TMCO5A: variants seen among roughly 807,000 people sequenced by gnomAD.
TMCO5A encodes the protein transmembrane and coiled-coil domain-containing protein 5A.
In TMCO5A, 34 loss-of-function variants were observed where a neutral mutation model predicts 42.3. The observed-to-expected ratio is 0.80, with a 90% CI of 0.61 to 1.07. The LOEUF is 1.07. TMCO5A is among the 50% of genes least tolerant of loss of function. The probability of loss-of-function intolerance (pLI) is 0.00; values close to 1 mark genes in which losing one functional copy is unlikely to be tolerated. For synonymous variants in TMCO5A, 131 were observed against 115.6 expected, an observed-to-expected ratio of 1.13 and a Z score of -0.86; for missense variants, 357 against 327.9, an observed-to-expected ratio of 1.09 and a Z score of -0.69.
At chr15:38,011,053 A>T in the TMCO5A span, among the ~76,000 whole-genome samples, 1 of 152,146 alleles carries the variant, frequency 6.6e-6, no homozygotes, top group African/African-American at 2.4e-5. Flanking sequence ...AGCATCTTTT[A>T]TGTATCTATT....
chr15:37,936,600 T>C, intron 3 of TMCO5A, 137 bp downstream of exon 3: 3 of 1,199,772 alleles, frequency 2.5e-6, no homozygotes, highest in African/African-American at 3.1e-5. Flanking sequence ...TTCTTTGACA[T>C]TTCTCTTGAA....
intron 4 of TMCO5A, 27 bp downstream of exon 4, chr15:37,936,997 T>G (rs1431694241): frequency 6.2e-7 from 1 of 1,610,458 alleles, no homozygotes; most frequent in Non-Finnish European, 8.5e-7. Flanking sequence ...GAAGAGCCAT[T>G]TAATAGGTTG....
At chr15:37,937,483 G>C (rs1031518939) in intron 5 of TMCO5A, 87 bp downstream of exon 5, 119 of 1,425,354 alleles carry the variant, frequency 8.3e-5, no homozygotes, top group Admixed American at 1.7e-4. Context: ...GATCATAGAG[G>C]AACCCATAAG....
chr15:38,011,195 C>T, the TMCO5A span, among the ~76,000 whole-genome samples: 6 of 152,164 alleles, frequency 3.9e-5, no homozygotes, highest in Non-Finnish European at 7.3e-5. Context: ...ATCAAGATAT[C>T]GGCAGAGGCT....
At chr15:38,001,044 G>A in the TMCO5A span, among the ~76,000 whole-genome samples, 1 of 152,060 alleles carries the variant, frequency 6.6e-6, no homozygotes, top group Non-Finnish European at 1.5e-5. Flanking sequence ...TAAGTCAGAT[G>A]TTTCTTTGTT....
At chr15:37,985,037 T>C in the TMCO5A span, among the ~76,000 whole-genome samples, 4 of 151,576 alleles carry the variant, frequency 2.6e-5, no homozygotes, top group South Asian at 4.2e-4. Flanking sequence ...AAGAAAGTAT[T>C]TGTAGAAATG....
intron 11 of TMCO5A, among the ~76,000 whole-genome samples, chr15:37,959,734 T>TACG (rs1566923201): frequency 1.3e-5 from 2 of 152,056 alleles, no homozygotes; most frequent in Non-Finnish European, 2.9e-5. Context: ...AGTATCATAC[T>TACG]GAATAAGGAA....
the TMCO5A span, among the ~76,000 whole-genome samples, chr15:37,980,434 C>G: frequency 6.6e-6 from 1 of 152,108 alleles, no homozygotes; most frequent in Non-Finnish European, 1.5e-5. Context: ...GAGCCTCTCC[C>G]GGCTCCCTGC....
rs759106650 is a variant in TMCO5A at position 37,936,412 on chromosome 15, C to A, written c.89C>A (p.Ala30Glu). The A allele has an allele frequency of 6.2e-7, 1 of 1,612,810 alleles. No homozygotes were observed. The highest frequency in any genetic ancestry group is 1.3e-5 in the African/African-American group (1 of 74,766). Reference protein sequence around the residue: ...LERDTQRIDEANQKLLLKIQE... With the variant: ...LERDTQRIDEENQKLLLKIQE... ...AGGGATACGCAGAGAATAGATGAAGCAAATCAGAAACTTCTTCTCAAAATC... is the reference window on the plus strand; with the variant it reads ...AGGGATACGCAGAGAATAGATGAAGAAAATCAGAAACTTCTTCTCAAAATC... Residue 30 changes from alanine to glutamate, a missense_variant, in exon 3 of 12, where the codon GCA becomes GAA. Coordinates refer to ENST00000319669, the MANE Select transcript of TMCO5A (RefSeq NM_152453.4).
chr15:37,945,274 C>A (rs1889906112), intron 10 of TMCO5A, among the ~76,000 whole-genome samples: 1 of 152,108 alleles, frequency 6.6e-6, no homozygotes, highest in Non-Finnish European at 1.5e-5. Context: ...TCCAGTCTAT[C>A]ATTGATGGGC....
rs1889532880 is a variant in TMCO5A at position 37,936,895 on chromosome 15, G to A, written c.189G>A (p.Glu63=). 1 of 1,612,592 alleles carries A rather than the reference G, an allele frequency of 6.2e-7. No individual in the cohort carries two copies. The highest frequency in any genetic ancestry group is 8.5e-7 in the Non-Finnish European group (1 of 1,179,174). ...IQTRGLVEDE[E]WEKENRTTME... is the part of the protein sequence containing the mutation. The stretch of plus-strand genomic sequence containing the variant: ...CGCGGGGCCTGGTGGAAGATGAAGA[G>A]TGGGAGAAGGAGAACCGCACCACGA... The change falls in exon 4 of 12, where the codon GAG becomes GAA. Residue 63 remains glutamate (E), a synonymous_variant. Coordinates refer to ENST00000319669, the MANE Select transcript of TMCO5A (RefSeq NM_152453.4).
chr15:37,971,464 C>T (rs1890672539), downstream of TMCO5A, among the ~76,000 whole-genome samples: 1 of 152,204 alleles, frequency 6.6e-6, no homozygotes, highest in Non-Finnish European at 1.5e-5. Context: ...CTCTGACATG[C>T]TTAGAGACAT....
the TMCO5A span, among the ~76,000 whole-genome samples, chr15:37,975,508 T>C: frequency 2.0e-5 from 3 of 151,108 alleles, 1 homozygote; most frequent in African/African-American, 7.4e-5. Context: ...TGTGTCTCTT[T>C]TGATTACCAT....
the TMCO5A span, among the ~76,000 whole-genome samples, chr15:38,038,870 G>C: frequency 1.5e-3 from 236 of 152,272 alleles, no homozygotes; most frequent in African/African-American, 5.5e-3. Context: ...TAAGCAGCAC[G>C]ACTTTTCATA....
At chr15:38,008,102 A>G in the TMCO5A span, among the ~76,000 whole-genome samples, 37 of 151,502 alleles carry the variant, frequency 2.4e-4, no homozygotes, top group South Asian at 1.3e-3. Flanking sequence ...TCACCATGTT[A>G]GCCGGGATGG....
chr15:38,003,393 G>T, the TMCO5A span, among the ~76,000 whole-genome samples: 1 of 152,020 alleles, frequency 6.6e-6, no homozygotes, highest in Non-Finnish European at 1.5e-5. Flanking sequence ...CCACTGCTTG[G>T]CTATCACCTA....
the TMCO5A span, among the ~76,000 whole-genome samples, chr15:38,034,366 A>G: frequency 6.6e-6 from 1 of 152,214 alleles, no homozygotes; most frequent in Admixed American, 6.5e-5. Context: ...CCCTGTCCTC[A>G]AAGTCTCAGA....
the TMCO5A span, among the ~76,000 whole-genome samples, chr15:37,997,755 T>C: frequency 6.6e-6 from 1 of 152,212 alleles, no homozygotes; most frequent in Non-Finnish European, 1.5e-5. Context: ...TCATATGGTA[T>C]TTCTATTTTT....
chr15:37,942,504 A>G (rs1054467014), intron 9 of TMCO5A: 2 of 391,202 alleles, frequency 5.1e-6, no homozygotes, highest in Non-Finnish European at 9.2e-6. Context: ...ACATTATCAC[A>G]TTATTATTCG....
Sources: allele counts gnomAD v4.1 joint callset (sites outside exome capture counted in the v4.1 genomes callset), GRCh38; gene constraint gnomAD v4.1.1; transcripts MANE v1.5; gene names NCBI Gene and HGNC (gene_info 2026-07-23, HGNC 2026-07-21).